ADK: variants seen among roughly 807,000 people sequenced by gnomAD.
The protein encoded by ADK is N6,N6-dimethyladenosine kinase.
In ADK, 24 loss-of-function variants were observed where a neutral mutation model predicts 44.7. That is an observed-to-expected ratio of 0.54 (90% CI 0.39 to 0.76). The LOEUF is 0.76. ADK is among the 30% of genes least tolerant of loss of function. ADK has a pLI of 0.00. For missense variants in ADK, 321 were observed against 425.1 expected, an observed-to-expected ratio of 0.76 and a Z score of 2.15; for synonymous variants, 128 against 142.6, an observed-to-expected ratio of 0.90 and a Z score of 0.73.
chr10:74,586,873 A>C (rs561858177), intron 7 of ADK, among the ~76,000 whole-genome samples: 1 of 150,764 alleles, frequency 6.6e-6, no homozygotes, highest in African/African-American at 2.5e-5. Flanking sequence ...AAAAAAATAT[A>C]TATGTATATA....
chr10:74,509,134 T>G (rs1848197693), intron 6 of ADK, among the ~76,000 whole-genome samples: 1 of 152,170 alleles, frequency 6.6e-6, no homozygotes, highest in Admixed American at 6.5e-5. Context: ...CTGGCTTAGT[T>G]TACTGCTTTT....
intron 4 of ADK, among the ~76,000 whole-genome samples, chr10:74,342,070 A>G (rs531366767): frequency 6.6e-6 from 1 of 152,298 alleles, no homozygotes; most frequent in Non-Finnish European, 1.5e-5. Flanking sequence ...CACCTCAAAA[A>G]GAGCCCATAT....
intron 4 of ADK, among the ~76,000 whole-genome samples, chr10:74,316,125 A>C (rs2131808353): frequency 6.6e-6 from 1 of 152,106 alleles, no homozygotes; most frequent in South Asian, 2.1e-4. Context: ...CTCTAATCCC[A>C]GCTACTTGGG....
chr10:74,202,215 T>C (rs1843423567), intron 2 of ADK, among the ~76,000 whole-genome samples: 1 of 152,220 alleles, frequency 6.6e-6, no homozygotes, highest in South Asian at 2.1e-4. Flanking sequence ...TGTGTTTATA[T>C]ATATGACCTT....
intron 1 of ADK, among the ~76,000 whole-genome samples, chr10:74,153,804 C>A (rs1472851705): frequency 6.6e-6 from 1 of 152,202 alleles, no homozygotes; most frequent in Non-Finnish European, 1.5e-5. Context: ...CTTTGGAAAT[C>A]TCATCCAAGT....
At chr10:74,298,111 C>A (rs970566053) in intron 3 of ADK, among the ~76,000 whole-genome samples, 2 of 152,042 alleles carry the variant, frequency 1.3e-5, no homozygotes, top group Non-Finnish European at 2.9e-5. Flanking sequence ...TTTATTATGC[C>A]CTTCTAAAGA....
rs145667729 is a variant in ADK at position 74,176,341 on chromosome 10, C to T, written c.66-24423C>T. Reference sequence around the variant, plus strand: ...CCCAGGCTGTTGCTTTTTTTCCCCCCACCTTTGCAGATGGATTTTGCAGGC... The same window carrying T: ...CCCAGGCTGTTGCTTTTTTTCCCCCTACCTTTGCAGATGGATTTTGCAGGC... On this transcript the variant is annotated intron_variant, in intron 1 of 10. Coordinates refer to ENST00000539909, the MANE Select transcript of ADK (RefSeq NM_006721.4). 4.1e-3 allele frequency: 2,313 copies of T among 566,276 alleles called. 59 individuals carry two copies. The African/African-American group carries it at 0.044, about 11-fold the overall frequency. The allele number at this position is 566,276 out of a possible 1,614,324, so 35.1% of individuals were successfully genotyped here. A position where few individuals can be genotyped will look rare whatever the true frequency, so the allele number is the denominator to read the frequency against.
rs186315199 is a variant in ADK at position 74,234,482 on chromosome 10, C to G, written c.194+9891C>G. ...CTTAGGAACCTTTTTTAAAAAACTT[C>G]TTTGGAGGAGTGATATTGTTCATTA... On this transcript the variant is annotated intron_variant, in intron 3 of 10. Transcript: ENST00000539909. 1.1e-3 allele frequency among the ~76,000 whole-genome samples: 163 copies of G among 152,170 alleles called. 2 individuals are homozygous for G. In the Middle Eastern group the frequency reaches 0.031, roughly 29 times the overall value.
chr10:74,252,195 G>C (rs1845676277), intron 3 of ADK, among the ~76,000 whole-genome samples: 2 of 152,072 alleles, frequency 1.3e-5, no homozygotes, highest in South Asian at 4.1e-4. Context: ...GCCTAGGTCA[G>C]GATAAAACCA....
intron 10 of ADK, among the ~76,000 whole-genome samples, chr10:74,703,840 A>C (rs7087368): frequency 0.24 from 36,392 of 152,136 alleles, 5,592 homozygotes; most frequent in East Asian, 0.68. Flanking sequence ...CTTCCTCTCA[A>C]ATAGTTCAGG....
chr10:74,153,560 T>C (rs1019373504), intron 1 of ADK, among the ~76,000 whole-genome samples: 1 of 152,180 alleles, frequency 6.6e-6, no homozygotes, highest in Non-Finnish European at 1.5e-5. Flanking sequence ...CACGTGGGAT[T>C]AGGGGAAAGA....
chr10:74,176,623 A>G, intron 1 of ADK: 1 of 1,396,208 alleles, frequency 7.2e-7, no homozygotes, highest in Non-Finnish European at 9.3e-7. Flanking sequence ...AGCTGGCACG[A>G]GACACGCGGT....
At chr10:74,271,512 T>G in intron 3 of ADK, among the ~76,000 whole-genome samples, 1 of 139,114 alleles carries the variant, frequency 7.2e-6, no homozygotes, top group African/African-American at 2.7e-5. Flanking sequence ...GCTGCACCCA[T>G]TAACTCATCA....
At chr10:74,200,978 G>A in intron 2 of ADK, 140 bp downstream of exon 2, 3 of 671,600 alleles carry the variant, frequency 4.5e-6, no homozygotes, top group Non-Finnish European at 8.0e-6. Context: ...GATAGCAAGT[G>A]TGCTATCATT....
chr10:74,435,272 C>T (rs1038528944), intron 6 of ADK, among the ~76,000 whole-genome samples: 1 of 152,158 alleles, frequency 6.6e-6, no homozygotes, highest in Non-Finnish European at 1.5e-5. Flanking sequence ...AATACATTTA[C>T]ATTTATTTAA....
chr10:74,297,804 T>C (rs563055073), intron 3 of ADK, among the ~76,000 whole-genome samples: 22 of 152,350 alleles, frequency 1.4e-4, no homozygotes, highest in African/African-American at 5.1e-4. Flanking sequence ...TATTCCTTTA[T>C]GTATTGTCTA....
intron 8 of ADK, among the ~76,000 whole-genome samples, chr10:74,594,569 A>G (rs1330319097): frequency 1.3e-5 from 2 of 152,112 alleles, no homozygotes; most frequent in South Asian, 2.1e-4. Context: ...GGAGTAAATA[A>G]TATGATAAAA....
At position 74,349,106 on chromosome 10, in the gene ADK, TA is replaced by T. The variant is rs572598291; in HGVS notation, c.273+34363del. Among the ~76,000 whole-genome samples, 174 of 152,200 alleles carry T rather than the reference TA, an allele frequency of 1.1e-3. 1 individual carries two copies. The Middle Eastern group carries it at 0.014, about 12-fold the overall frequency. On this transcript the variant is annotated intron_variant, in intron 4 of 10. Transcript: ENST00000539909. ...TTGAGAAGAGCAACCCCAAGACACC[TA>T]ATCATCAGATTCTCCAAGGTTGAAA...
intron 1 of ADK, among the ~76,000 whole-genome samples, chr10:74,163,269 A>G (rs1384870685): frequency 6.6e-6 from 1 of 152,242 alleles, no homozygotes; most frequent in Non-Finnish European, 1.5e-5. Flanking sequence ...CCCGGCCAAC[A>G]GTAACCTTTT....
Sources: allele counts gnomAD v4.1 joint callset (sites outside exome capture counted in the v4.1 genomes callset), GRCh38; gene constraint gnomAD v4.1.1; transcripts MANE v1.5; gene names NCBI Gene and HGNC (gene_info 2026-07-23, HGNC 2026-07-21).